The following STX18 variants were observed in gnomAD, a reference collection of about 807,000 sequenced individuals.
STX18 encodes syntaxin-18.
STX18 carries 40 observed loss-of-function variants against 50.1 expected under a neutral mutation model. That is an observed-to-expected ratio of 0.80 (90% CI 0.62 to 1.04). STX18 has a LOEUF of 1.04. Ranked by LOEUF, STX18 falls within the 50% of genes least tolerant of loss-of-function variation. The pLI, the probability that STX18 is intolerant of heterozygous loss-of-function variation, is 0.00. For missense variants in STX18, 410 were observed against 415.8 expected (o/e 0.99, Z 0.12); for synonymous variants, 158 against 151.8 (o/e 1.04, Z -0.30).
chr4:4,433,487 A>G (rs889044762), intron 7 of STX18, among the ~76,000 whole-genome samples: 1 of 148,156 alleles, frequency 6.7e-6, no homozygotes, highest in East Asian at 2.0e-4. Context: ...CCTGCCAAAT[A>G]CCCCTCTGCG....
At chr4:4,467,405 T>C in intron 2 of STX18, among the ~76,000 whole-genome samples, 1 of 152,186 alleles carries the variant, frequency 6.6e-6, no homozygotes, top group Non-Finnish European at 1.5e-5. Context: ...TTAGGTCAGA[T>C]CTCGTTCGCT....
intron 5 of STX18, among the ~76,000 whole-genome samples, chr4:4,442,670 T>C (rs550377541): frequency 2.4e-4 from 36 of 152,068 alleles, no homozygotes; most frequent in African/African-American, 7.5e-4. Flanking sequence ...GGCATGTTGA[T>C]GGCTATTGGT....
At chr4:4,538,335 C>A (rs1390525035) in intron 1 of STX18, among the ~76,000 whole-genome samples, 2 of 152,324 alleles carry the variant, frequency 1.3e-5, no homozygotes, top group Non-Finnish European at 2.9e-5. Flanking sequence ...ACCTGCCACA[C>A]ATCTGCCATC....
intron 5 of STX18, among the ~76,000 whole-genome samples, chr4:4,442,863 C>T (rs1172317954): frequency 1.3e-5 from 2 of 148,790 alleles, no homozygotes; most frequent in East Asian, 3.9e-4. Context: ...AGACCAACAG[C>T]CCTACAGTAA....
intron 1 of STX18, among the ~76,000 whole-genome samples, chr4:4,477,415 C>T (rs1183336793): frequency 6.6e-6 from 1 of 152,146 alleles, no homozygotes; most frequent in Admixed American, 6.5e-5. Flanking sequence ...GCAATCTTTG[C>T]TTAAATTCCA....
intron 5 of STX18, among the ~76,000 whole-genome samples, chr4:4,453,932 G>T (rs1024562465): frequency 2.6e-5 from 4 of 152,220 alleles, no homozygotes; most frequent in African/African-American, 9.7e-5. Context: ...CCAGACCATG[G>T]ACTGTTTGTT....
rs111810810 is a variant in STX18, at chr4:4,422,529, A to G, written c.831+989T>C. Among the ~76,000 whole-genome samples, 1,476 of 150,892 alleles carry G rather than the reference A, an allele frequency of 9.8e-3. 15 individuals are homozygous for G. The highest frequency in any genetic ancestry group is 0.025 in the South Asian group (120 of 4,712). On this transcript the variant is annotated intron_variant, in intron 9 of 10. Coordinates refer to ENST00000306200, the MANE Select transcript of STX18 (RefSeq NM_016930.4). ...GGTTGCAGTGAGCCAAGATAGCAAC[A>G]TTGCACTCCAGCCTGGGCGACACAG... is the stretch of plus-strand genomic sequence containing the variant.
chr4:4,488,227 C>T (rs1007510474), intron 1 of STX18, among the ~76,000 whole-genome samples: 1 of 152,012 alleles, frequency 6.6e-6, no homozygotes, highest in Non-Finnish European at 1.5e-5. Flanking sequence ...TATCCAAAGC[C>T]GTCTCTTACT....
At chr4:4,423,007 C>T (rs952496624) in intron 9 of STX18, among the ~76,000 whole-genome samples, 1 of 152,224 alleles carries the variant, frequency 6.6e-6, no homozygotes, top group African/African-American at 2.4e-5. Flanking sequence ...CTATTTCCCA[C>T]GCAGACACCA....
At chr4:4,435,578 T>C (rs551820370) in intron 6 of STX18, among the ~76,000 whole-genome samples, 4 of 152,328 alleles carry the variant, frequency 2.6e-5, no homozygotes, top group African/African-American at 9.6e-5. Context: ...TTTAAATTGC[T>C]GCATGATATT....
At chr4:4,425,286 A>C in intron 7 of STX18, 64 bp from the exon 8 acceptor site, 1 of 1,444,616 alleles carries the variant, frequency 6.9e-7, no homozygotes, top group Non-Finnish European at 9.7e-7. Context: ...TCTAGCAAGA[A>C]AGCGGACCTA....
intron 7 of STX18, among the ~76,000 whole-genome samples, chr4:4,431,038 G>C (rs903505635): frequency 6.6e-6 from 1 of 152,056 alleles, no homozygotes; most frequent in Non-Finnish European, 1.5e-5. Context: ...ACACCTACAG[G>C]CTGCTAAGTC....
rs532492493 is a variant in STX18, at chr4:4,450,732, A to G, written c.497+6459T>C. 1.7e-4 allele frequency among the ~76,000 whole-genome samples: 26 copies of G among 152,010 alleles called. No individual in the cohort carries two copies. In the East Asian group the frequency reaches 4.8e-3, roughly 28 times the overall value. ...AGGCTATGACTGCCCATGCTAAGCC[A>G]CCCTCTCCTCCCTGCCCTGGAAAAC... On this transcript the variant is annotated intron_variant, in intron 5 of 10. Coordinates refer to ENST00000306200, the MANE Select transcript of STX18 (RefSeq NM_016930.4).
intron 1 of STX18, chr4:4,507,303 G>A (rs183541794): frequency 1.8e-5 from 13 of 722,630 alleles, no homozygotes; most frequent in African/African-American, 8.7e-5. Flanking sequence ...AAAAGAACTC[G>A]GACCTCAAGG....
intron 1 of STX18, among the ~76,000 whole-genome samples, chr4:4,497,878 G>T (rs1481408606): frequency 6.6e-6 from 1 of 152,138 alleles, no homozygotes; most frequent in East Asian, 1.9e-4. Flanking sequence ...TTCCTGCAGA[G>T]GTAAACTAAC....
intron 1 of STX18, among the ~76,000 whole-genome samples, chr4:4,529,632 G>C (rs925670765): frequency 2.6e-5 from 4 of 152,198 alleles, no homozygotes; most frequent in African/African-American, 9.6e-5. Context: ...GAGCTGGGGA[G>C]GCAGCAGGCA....
intron 6 of STX18, among the ~76,000 whole-genome samples, chr4:4,435,657 A>G (rs945321088): frequency 2.6e-5 from 4 of 152,300 alleles, no homozygotes; most frequent in African/African-American, 9.6e-5. Context: ...CAGACTGTTC[A>G]CTGGTGTCAT....
chr4:4,496,092 T>C (rs2108870816), intron 1 of STX18, among the ~76,000 whole-genome samples: 1 of 152,346 alleles, frequency 6.6e-6, no homozygotes, highest in East Asian at 1.9e-4. Context: ...TTTTATAAAT[T>C]CTTTACATTT....
chr4:4,523,694 T>C (rs942780756), intron 1 of STX18, among the ~76,000 whole-genome samples: 5 of 152,192 alleles, frequency 3.3e-5, no homozygotes, highest in Non-Finnish European at 5.9e-5. Flanking sequence ...CTAGACTTGA[T>C]TACTGCAACA....
Sources: gnomAD v4.1 joint callset for allele counts (sites outside exome capture counted in the v4.1 genomes callset) on GRCh38, gnomAD v4.1.1 for gene constraint, MANE v1.5 for transcripts, NCBI Gene and HGNC (gene_info 2026-07-23, HGNC 2026-07-21) for gene names.